H2BN1: variants seen among roughly 807,000 people sequenced by gnomAD.
H2BN1 encodes H2B.N variant histone 1, also known as histone H2B.N.
the H2BN1 span, among the ~76,000 whole-genome samples, chr17:32,903,134 G>A: frequency 6.6e-6 from 1 of 151,542 alleles, no homozygotes; most frequent in Non-Finnish European, 1.5e-5. Context: ...TTTGATTCAA[G>A]TGTTTTATTT....
At chr17:32,901,384 CTG>C in the H2BN1 span, among the ~76,000 whole-genome samples, 3 of 152,076 alleles carry the variant, frequency 2.0e-5, no homozygotes, top group Non-Finnish European at 4.4e-5. Context: ...TATAGGGAAA[CTG>C]AACTTATTTT....
At chr17:32,904,721 G>A in the H2BN1 span, among the ~76,000 whole-genome samples, 2 of 152,052 alleles carry the variant, frequency 1.3e-5, no homozygotes, top group Non-Finnish European at 2.9e-5. Flanking sequence ...TGGCAAAGGG[G>A]CAAGGAGGTA....
the H2BN1 span, among the ~76,000 whole-genome samples, chr17:32,901,116 G>A: frequency 6.6e-6 from 1 of 152,036 alleles, no homozygotes; most frequent in African/African-American, 2.4e-5. Flanking sequence ...GCTGAGGCAG[G>A]AGAATTGCTT....
the H2BN1 span, chr17:32,905,903 C>A: frequency 6.6e-6 from 1 of 152,178 alleles, no homozygotes; most frequent in East Asian, 1.9e-4. Flanking sequence ...GCAGGTTTGT[C>A]CTAAGCAGTT....
the H2BN1 span, among the ~76,000 whole-genome samples, chr17:32,904,262 C>T: frequency 6.6e-6 from 1 of 152,132 alleles, no homozygotes; most frequent in Non-Finnish European, 1.5e-5. Context: ...AGTTCAGTTC[C>T]TCATGTAAAT....
At chr17:32,896,711 T>C in the H2BN1 span, among the ~76,000 whole-genome samples, 14 of 152,304 alleles carry the variant, frequency 9.2e-5, no homozygotes, top group African/African-American at 3.4e-4. Context: ...TGTTGACATG[T>C]TGGGGCTGGT....
the H2BN1 span, among the ~76,000 whole-genome samples, chr17:32,901,258 C>A: frequency 6.6e-6 from 1 of 151,802 alleles, no homozygotes; most frequent in Non-Finnish European, 1.5e-5. Context: ...TTTCCATAAA[C>A]CTTTTATAAC....
chr17:32,904,665 G>T, the H2BN1 span, among the ~76,000 whole-genome samples: 1 of 152,146 alleles, frequency 6.6e-6, no homozygotes, highest in Non-Finnish European at 1.5e-5. Context: ...TCTTTTAAAG[G>T]GTTCAAGTCA....
the H2BN1 span, among the ~76,000 whole-genome samples, chr17:32,900,158 A>AT: frequency 1.3e-5 from 2 of 152,240 alleles, no homozygotes; most frequent in Admixed American, 6.5e-5. Flanking sequence ...ATACTAAGTC[A>AT]TATCAGAATT....
the H2BN1 span, among the ~76,000 whole-genome samples, chr17:32,899,894 A>G: frequency 6.6e-6 from 1 of 152,374 alleles, no homozygotes; most frequent in South Asian, 2.1e-4. Context: ...TCCGTTTTCC[A>G]TGAATCTTAA....
At chr17:32,899,875 A>G in the H2BN1 span, among the ~76,000 whole-genome samples, 1 of 152,212 alleles carries the variant, frequency 6.6e-6, no homozygotes, top group African/African-American at 2.4e-5. Flanking sequence ...GTCACTATTT[A>G]TAAACATTTC....
At chr17:32,902,564 G>A in the H2BN1 span, among the ~76,000 whole-genome samples, 12 of 152,124 alleles carry the variant, frequency 7.9e-5, no homozygotes, top group African/African-American at 2.9e-4. Flanking sequence ...AAGTTGGCTG[G>A]GTGCAGTGGC....
chr17:32,895,956 G>T, the H2BN1 span, among the ~76,000 whole-genome samples: 1 of 152,088 alleles, frequency 6.6e-6, no homozygotes, highest in Non-Finnish European at 1.5e-5. Context: ...ATAGTGCATT[G>T]TTGCAATCAT....
the H2BN1 span, among the ~76,000 whole-genome samples, chr17:32,898,355 C>T: frequency 6.6e-6 from 1 of 152,104 alleles, no homozygotes; most frequent in Non-Finnish European, 1.5e-5. Context: ...GAGGGGCTTC[C>T]AGGTCATAGG....
At chr17:32,902,114 A>G in the H2BN1 span, among the ~76,000 whole-genome samples, 1 of 124,778 alleles carries the variant, frequency 8.0e-6, no homozygotes, top group Non-Finnish European at 1.6e-5. Context: ...TTCTTACCGA[A>G]AAAAAAAAAA....
the H2BN1 span, among the ~76,000 whole-genome samples, chr17:32,897,571 C>T: frequency 6.6e-6 from 1 of 152,090 alleles, no homozygotes; most frequent in Non-Finnish European, 1.5e-5. Flanking sequence ...ACATGTGATA[C>T]AGGGCCTGAC....
the H2BN1 span, among the ~76,000 whole-genome samples, chr17:32,898,613 C>G: frequency 6.6e-6 from 1 of 152,226 alleles, no homozygotes; most frequent in Admixed American, 6.5e-5. Flanking sequence ...GAAAATTAAT[C>G]TGCTCTCAGG....
chr17:32,896,928 A>G, the H2BN1 span, among the ~76,000 whole-genome samples: 2 of 152,178 alleles, frequency 1.3e-5, no homozygotes, highest in African/African-American at 2.4e-5. Flanking sequence ...CCTCTATGGG[A>G]GTACTTGCAT....
At chr17:32,903,690 G>A in the H2BN1 span, among the ~76,000 whole-genome samples, 3,255 of 152,292 alleles carry the variant, frequency 0.021, 122 homozygotes, top group African/African-American at 0.074. Flanking sequence ...TAGGAACAAC[G>A]TAGTTTGCAG....
Sources: gnomAD v4.1 joint callset for allele counts (sites outside exome capture counted in the v4.1 genomes callset) on GRCh38, gnomAD v4.1.1 for gene constraint, MANE v1.5 for transcripts, NCBI Gene and HGNC (gene_info 2026-07-23, HGNC 2026-07-21) for gene names.